Variants in CMKLR1 observed in about 807,000 individuals in gnomAD.
The protein encoded by CMKLR1 is chemerin-like receptor 1.
Under a neutral mutation model 8.2 loss-of-function variants are expected in CMKLR1, and 6 were observed. The ratio of observed to expected loss-of-function variants is 0.73; its 90% confidence interval spans 0.40 to 1.44. The LOEUF (loss-of-function observed/expected upper bound fraction) is 1.44, where lower values mean the gene tolerates loss of function less well. Among genes scored for constraint, CMKLR1 ranks in the 40% most tolerant of loss-of-function variants. The pLI, the probability that CMKLR1 is intolerant of heterozygous loss-of-function variation, is 0.02. For missense variants in CMKLR1, 429 were observed against 478.0 expected (o/e 0.90, Z 0.96); for synonymous variants, 178 against 181.2 (o/e 0.98, Z 0.14).
intron 1 of CMKLR1, among the ~76,000 whole-genome samples, chr12:108,332,500 G>A (rs1387906054): frequency 6.6e-6 from 1 of 152,222 alleles, no homozygotes; most frequent in East Asian, 1.9e-4. Context: ...GGGGAAGGCA[G>A]ATCCACCCTT....
chr12:108,322,065 T>C (rs1057304051), intron 2 of CMKLR1, among the ~76,000 whole-genome samples: 6 of 152,288 alleles, frequency 3.9e-5, no homozygotes, highest in African/African-American at 1.2e-4. Context: ...AAAGGATAAA[T>C]CTTTGCTTTT....
At chr12:108,304,579 C>G (rs183873469) in intron 2 of CMKLR1, among the ~76,000 whole-genome samples, 20 of 152,256 alleles carry the variant, frequency 1.3e-4, no homozygotes, top group Non-Finnish European at 2.9e-4. Flanking sequence ...TTCTGCCTCT[C>G]TCTCTCCCCC....
At chr12:108,301,872 G>A (rs1273408393) in intron 2 of CMKLR1, among the ~76,000 whole-genome samples, 1 of 152,102 alleles carries the variant, frequency 6.6e-6, no homozygotes, top group Non-Finnish European at 1.5e-5. Context: ...TAGCTCATGT[G>A]GGAGCCCAGA....
intron 2 of CMKLR1, among the ~76,000 whole-genome samples, chr12:108,323,955 T>G (rs1891921769): frequency 6.6e-6 from 1 of 152,150 alleles, no homozygotes; most frequent in Admixed American, 6.5e-5. Flanking sequence ...CACAGAGGAC[T>G]ACTTCCAGCT....
intron 2 of CMKLR1, among the ~76,000 whole-genome samples, chr12:108,313,366 G>A (rs545929578): frequency 5.3e-5 from 8 of 152,082 alleles, no homozygotes; most frequent in Non-Finnish European, 1.2e-4. Flanking sequence ...TAGGATCAAG[G>A]GGTCTCACAC....
At chr12:108,294,256 C>A (rs1011949660) in intron 2 of CMKLR1, among the ~76,000 whole-genome samples, 1 of 152,198 alleles carries the variant, frequency 6.6e-6, no homozygotes, top group African/African-American at 2.4e-5. Context: ...CCTATGGGAA[C>A]CATGAATGAG....
At chr12:108,336,178 G>T (rs1026175297) in intron 1 of CMKLR1, among the ~76,000 whole-genome samples, 1 of 152,188 alleles carries the variant, frequency 6.6e-6, no homozygotes, top group Non-Finnish European at 1.5e-5. Flanking sequence ...TGAATGACCT[G>T]GGGTGCTGGT....
At chr12:108,307,915 G>C (rs1000418664) in intron 2 of CMKLR1, among the ~76,000 whole-genome samples, 1 of 152,154 alleles carries the variant, frequency 6.6e-6, no homozygotes, top group African/African-American at 2.4e-5. Flanking sequence ...AACCTCTGTG[G>C]CACACCTAGA....
At chr12:108,337,874 G>A (rs1892265739) in intron 1 of CMKLR1, among the ~76,000 whole-genome samples, 1 of 152,156 alleles carries the variant, frequency 6.6e-6, no homozygotes, top group Non-Finnish European at 1.5e-5. Flanking sequence ...CAGCAGCCAA[G>A]GCATTTAGAG....
chr12:108,312,671 G>A (rs183021182), intron 2 of CMKLR1, among the ~76,000 whole-genome samples: 1 of 152,346 alleles, frequency 6.6e-6, no homozygotes, highest in African/African-American at 2.4e-5. Context: ...GCAGAGGAGA[G>A]ATCTGAATCT....
chr12:108,310,923 G>A (rs1335811263), intron 2 of CMKLR1, among the ~76,000 whole-genome samples: 1 of 152,150 alleles, frequency 6.6e-6, no homozygotes, highest in Non-Finnish European at 1.5e-5. Context: ...CAGGACACGT[G>A]TGTGAGGCAG....
In CMKLR1 at chr12:108,292,218, G is replaced by A. The variant is rs201809939; in HGVS notation, c.745C>T (p.Arg249Cys). 1.6e-4 allele frequency: 261 copies of A among 1,614,036 alleles called. No individual in the cohort carries two copies. Among genetic ancestry groups the A allele is most frequent in the Middle Eastern group, 3.3e-4 (2 of 6,062 alleles). ...TTCTTGGTCTTGGCCAGGCGGTTGC[G>A]CTGCAGTTTGCACACGATGGTGAGG... The part of the protein sequence containing the change: ...CYLTIVCKLQ[R>C]NRLAKTKKPF... Residue 249 changes from arginine to cysteine, a missense_variant, in exon 4 of 4, where the codon CGC becomes TGC. By Grantham distance (180) the Arg-to-Cys change is radical. Coordinates refer to ENST00000550402, the MANE Select transcript of CMKLR1 (RefSeq NM_001142343.2).
chr12:108,288,955 C>CCG lies in CMKLR1; in HGVS notation c.*2885_*2886insCG, dbSNP rs1555250061. On this transcript the variant is annotated 3_prime_UTR_variant, in exon 4 of 4. Transcript: ENST00000550402. ...TTGAAACAGAAACTCACTTTCTGCA[C>CCG]CCCCCCCCCACCTTGCTATGATGGT... The CCG allele has an allele frequency of 2.2e-4, 14 of 63,412 alleles. No individual in the cohort carries two copies. Among genetic ancestry groups the CCG allele is most frequent in the South Asian group, 5.5e-4 (1 of 1,814 alleles). The allele number at this position is 63,412 out of a possible 1,614,324, so 3.9% of individuals were successfully genotyped here.
chr12:108,315,091 C>T (rs1157545389), intron 2 of CMKLR1, among the ~76,000 whole-genome samples: 3 of 151,842 alleles, frequency 2.0e-5, no homozygotes, highest in Admixed American at 1.3e-4. Context: ...GCATGCGCCA[C>T]CACACCTGGC....
At chr12:108,310,268 A>G (rs1336461693) in intron 2 of CMKLR1, among the ~76,000 whole-genome samples, 1 of 152,008 alleles carries the variant, frequency 6.6e-6, no homozygotes, top group East Asian at 1.9e-4. Context: ...GATCCCTGCA[A>G]GCCATCAACT....
chr12:108,299,448 G>C (rs942032717), intron 2 of CMKLR1, among the ~76,000 whole-genome samples: 4 of 151,998 alleles, frequency 2.6e-5, no homozygotes, highest in African/African-American at 9.7e-5. Context: ...TCCTTTCTAG[G>C]AAGCATCCCC....
At chr12:108,311,153 C>A (rs572361354) in intron 2 of CMKLR1, among the ~76,000 whole-genome samples, 1 of 152,148 alleles carries the variant, frequency 6.6e-6, no homozygotes, top group South Asian at 2.1e-4. Flanking sequence ...GTCGTGATGA[C>A]GATGGAGAAG....
chr12:108,309,520 G>A (rs1376304817), intron 2 of CMKLR1, among the ~76,000 whole-genome samples: 1 of 151,294 alleles, frequency 6.6e-6, no homozygotes, highest in Non-Finnish European at 1.5e-5. Context: ...GGGTGACAGG[G>A]TGAGACCTCC....
intron 2 of CMKLR1, among the ~76,000 whole-genome samples, chr12:108,310,810 C>T (rs1195423288): frequency 6.6e-6 from 1 of 152,160 alleles, no homozygotes; most frequent in Non-Finnish European, 1.5e-5. Context: ...CATCCCCGGG[C>T]CTCATGGACC....
Sources: allele counts gnomAD v4.1 joint callset (sites outside exome capture counted in the v4.1 genomes callset), GRCh38; gene constraint gnomAD v4.1.1; transcripts MANE v1.5; gene names NCBI Gene and HGNC (gene_info 2026-07-23, HGNC 2026-07-21).